The following IDE variants were observed in gnomAD, a reference collection of about 807,000 sequenced individuals.
The protein encoded by IDE is insulin-degrading enzyme.
A neutral mutation model predicts 133.2 loss-of-function variants in IDE; 58 were observed. That is an observed-to-expected ratio of 0.44 (90% CI 0.35 to 0.54). The LOEUF (loss-of-function observed/expected upper bound fraction) is 0.54. Among genes scored for constraint, IDE ranks in the 20% least tolerant of loss-of-function variants. IDE has a pLI of 0.00. For synonymous variants in IDE, 396 were observed against 421.3 expected (o/e 0.94, Z 0.73); for missense variants, 981 against 1,234.0 (o/e 0.79, Z 3.07).
intron 10 of IDE, among the ~76,000 whole-genome samples, chr10:92,505,167 C>CG (rs928552573): frequency 4.6e-5 from 7 of 152,108 alleles, no homozygotes; most frequent in African/African-American, 1.4e-4. Flanking sequence ...ACATTTCTTT[C>CG]GGGGAAAACC....
At chr10:92,487,370 T>A in intron 12 of IDE, 52 bp from the exon 13 acceptor site, 1 of 1,490,302 alleles carries the variant, frequency 6.7e-7, no homozygotes, top group Non-Finnish European at 9.2e-7. Flanking sequence ...TTTAAGAGTT[T>A]AAAATAGTAT....
At chr10:92,515,558 G>A (rs1848868036) in intron 4 of IDE, among the ~76,000 whole-genome samples, 1 of 138,420 alleles carries the variant, frequency 7.2e-6, no homozygotes, top group Non-Finnish European at 1.6e-5. Flanking sequence ...CGCGCACCCG[G>A]CCTTTTTTTT....
chr10:92,506,604 A>G lies in IDE; in HGVS notation c.1246-82T>C, dbSNP rs1042782325. The stretch of plus-strand genomic sequence containing the variant: ...TTTTTTTTTTAAGTGTTTGGCTTGC[A>G]CTATAAGCTTTCTACTCCATATTTA... On this transcript the variant is annotated intron_variant, in intron 9 of 24. Coordinates refer to ENST00000265986, the MANE Select transcript of IDE (RefSeq NM_004969.4). The G allele has an allele frequency of 5.7e-5, 38 of 667,144 alleles. No homozygotes were observed. The Admixed American group carries it at 5.8e-4, about 10-fold the overall frequency. 41.3% of individuals were successfully genotyped at this position (667,144 alleles called of 1,614,324 possible). A position where few individuals can be genotyped will look rare whatever the true frequency, so the allele number is the denominator to read the frequency against.
chr10:92,571,880 T>C (rs1274541920), intron 1 of IDE, among the ~76,000 whole-genome samples: 1 of 152,222 alleles, frequency 6.6e-6, no homozygotes, highest in East Asian at 1.9e-4. Context: ...CTATGTACAG[T>C]AGGGCTGATT....
intron 1 of IDE, among the ~76,000 whole-genome samples, chr10:92,551,388 T>C (rs1842772409): frequency 6.6e-6 from 1 of 151,346 alleles, no homozygotes; most frequent in South Asian, 2.1e-4. Flanking sequence ...GCCAACACGG[T>C]GAAACCCCAT....
intron 12 of IDE, among the ~76,000 whole-genome samples, chr10:92,488,776 A>T (rs1027813549): frequency 1.4e-5 from 2 of 141,016 alleles, no homozygotes; most frequent in Non-Finnish European, 3.1e-5. Flanking sequence ...GACTCTGTCT[A>T]AAAAAAAAAA....
intron 8 of IDE, among the ~76,000 whole-genome samples, 190 bp from the exon 9 acceptor site, chr10:92,507,856 G>A (rs948397997): frequency 3.9e-5 from 6 of 152,180 alleles, no homozygotes; most frequent in Admixed American, 1.3e-4. Context: ...GTGACAGAAA[G>A]GGTGTTGGGG....
chr10:92,472,642 CT>C (rs35959170), intron 17 of IDE, among the ~76,000 whole-genome samples: 21,176 of 125,690 alleles, frequency 0.17, 846 homozygotes, highest in Middle Eastern at 0.21. Context: ...CAACAGAATT[CT>C]TTTTTTTTTT....
chr10:92,542,818 A>G (rs887942930), intron 1 of IDE, among the ~76,000 whole-genome samples: 1 of 152,258 alleles, frequency 6.6e-6, no homozygotes, highest in Non-Finnish European at 1.5e-5. Context: ...CTCCAGGTCA[A>G]GATCATGGAC....
chr10:92,551,706 G>C (rs1186017459), intron 1 of IDE, among the ~76,000 whole-genome samples: 1 of 152,106 alleles, frequency 6.6e-6, no homozygotes, highest in East Asian at 1.9e-4. Context: ...TCTGAAGGGA[G>C]GGGAAATGGT....
intron 1 of IDE, among the ~76,000 whole-genome samples, chr10:92,548,798 G>T (rs558403687): frequency 6.6e-6 from 1 of 152,288 alleles, no homozygotes; most frequent in African/African-American, 2.4e-5. Context: ...ATGAGCCAGT[G>T]TTTATAGTAA....
chr10:92,461,218 G>A lies in IDE; in HGVS notation c.2796C>T (p.Thr932=). The A allele has an allele frequency of 6.9e-7, 1 of 1,453,288 alleles. No individual in the cohort carries two copies. The highest frequency in any genetic ancestry group is 9.7e-7 in the Non-Finnish European group (1 of 1,035,072). The allele number at this position is 1,453,288 out of a possible 1,614,324, so 90.0% of individuals were successfully genotyped here. ...TGTAGAATTTGATGATATCTTCCTT[G>A]GTAAGTGTCTTTAAATATGCAACCT... ...NTEVAYLKTL[T]KEDIIKFYKE... is the part of the protein sequence containing the mutation. The change falls in exon 22 of 25, where the codon ACC becomes ACT. Residue 932 remains threonine, a synonymous_variant. Coordinates refer to ENST00000265986, the MANE Select transcript of IDE (RefSeq NM_004969.4).
chr10:92,524,087 T>A (rs150564295), intron 4 of IDE, among the ~76,000 whole-genome samples: 2 of 151,174 alleles, frequency 1.3e-5, no homozygotes, highest in African/African-American at 4.9e-5. Context: ...CATATGTGAA[T>A]AATGAAGAGA....
intron 13 of IDE, among the ~76,000 whole-genome samples, chr10:92,484,195 G>A (rs1054038057): frequency 2.0e-5 from 3 of 151,800 alleles, no homozygotes; most frequent in Non-Finnish European, 4.4e-5. Context: ...GGTGGATCAT[G>A]AGGCCGGGAG....
intron 1 of IDE, among the ~76,000 whole-genome samples, chr10:92,546,222 T>C (rs928297320): frequency 3.9e-5 from 6 of 152,174 alleles, no homozygotes; most frequent in Non-Finnish European, 8.8e-5. Flanking sequence ...CATCCCAGGA[T>C]AGTCATTACC....
At chr10:92,494,094 T>G (rs1451052892) in intron 11 of IDE, among the ~76,000 whole-genome samples, 1 of 152,104 alleles carries the variant, frequency 6.6e-6, no homozygotes, top group Non-Finnish European at 1.5e-5. Flanking sequence ...AAGGTTTCCT[T>G]TTTTCGAGAC....
intron 17 of IDE, among the ~76,000 whole-genome samples, chr10:92,470,791 A>G (rs183760616): frequency 1.1e-4 from 17 of 152,326 alleles, no homozygotes; most frequent in African/African-American, 4.1e-4. Context: ...CTGTATTACC[A>G]CAAAGAATAC....
chr10:92,499,674 C>T (rs1847905078), intron 11 of IDE, among the ~76,000 whole-genome samples: 1 of 152,162 alleles, frequency 6.6e-6, no homozygotes, highest in South Asian at 2.1e-4. Flanking sequence ...TCAAGCAATC[C>T]TCCCTCTATG....
intron 20 of IDE, among the ~76,000 whole-genome samples, chr10:92,465,471 A>G (rs1845632246): frequency 6.6e-6 from 1 of 152,182 alleles, no homozygotes; most frequent in African/African-American, 2.4e-5. Flanking sequence ...ATGCAGTATC[A>G]TCTCATAAAT....
Sources: gnomAD v4.1 joint callset for allele counts (sites outside exome capture counted in the v4.1 genomes callset) on GRCh38, gnomAD v4.1.1 for gene constraint, MANE v1.5 for transcripts, NCBI Gene and HGNC (gene_info 2026-07-23, HGNC 2026-07-21) for gene names.